The following TMEM132D variants were observed in gnomAD, a reference collection of about 807,000 sequenced individuals.
TMEM132D encodes mature OL transmembrane protein.
A neutral mutation model predicts 62.3 loss-of-function variants in TMEM132D; 21 were observed. That is an observed-to-expected ratio of 0.34 (90% CI 0.24 to 0.49). The LOEUF (loss-of-function observed/expected upper bound fraction) is 0.49, where lower values mean the gene tolerates loss of function less well. Ranked by LOEUF, TMEM132D falls within the 20% of genes least tolerant of loss-of-function variation. The pLI, the probability that TMEM132D is intolerant of heterozygous loss-of-function variation, is 0.99. For missense variants in TMEM132D, 1,346 were observed against 1,402.8 expected (o/e 0.96, Z 0.65); for synonymous variants, 621 against 575.6 (o/e 1.08, Z -1.13).
chr12:129,293,506 G>A (rs1881498295), intron 4 of TMEM132D, among the ~76,000 whole-genome samples: 1 of 152,042 alleles, frequency 6.6e-6, no homozygotes, highest in Admixed American at 6.6e-5. Context: ...TACTTTTATT[G>A]TGCACTTGAT....
Position 129,184,136 on chromosome 12 carries a change from CCT to C in TMEM132D, c.1443+25382_1443+25383del, listed in dbSNP as rs369868808. Among the ~76,000 whole-genome samples, 27 of 152,282 alleles carry C rather than the reference CCT, an allele frequency of 1.8e-4. No homozygotes were observed. In the East Asian group the frequency reaches 2.3e-3, roughly 13 times the overall value. On this transcript the variant is annotated intron_variant, in intron 5 of 8. Transcript: ENST00000422113. Reference sequence around the variant, plus strand: ...CACCCACTCATGTCACCGTCTCACCCCTGTCACCACCAAGTCTGCAGTTTCCG... The same window carrying C: ...CACCCACTCATGTCACCGTCTCACCCGTCACCACCAAGTCTGCAGTTTCCG...
chr12:129,076,616 A>G (rs1874265448), intron 8 of TMEM132D, among the ~76,000 whole-genome samples: 2 of 152,230 alleles, frequency 1.3e-5, no homozygotes, highest in African/African-American at 4.8e-5. Flanking sequence ...GGCACAGTGC[A>G]AAAGCTACTG....
chr12:129,839,117 A>AGTTTTTTTTTT (rs1873097765), intron 1 of TMEM132D, among the ~76,000 whole-genome samples: 1 of 20,704 alleles, frequency 4.8e-5, no homozygotes, highest in Non-Finnish European at 8.4e-5. Flanking sequence ...CGCCTGGCTA[A>AGTTTTTTTTTT]TTTTTTTTTT....
intron 1 of TMEM132D, among the ~76,000 whole-genome samples, chr12:129,882,332 A>C (rs1422026377): frequency 6.6e-6 from 1 of 152,150 alleles, no homozygotes; most frequent in Non-Finnish European, 1.5e-5. Context: ...AACTACAGCA[A>C]ATTTCTTTCA....
At chr12:129,588,532 G>A (rs1446856159) in intron 2 of TMEM132D, among the ~76,000 whole-genome samples, 3 of 152,104 alleles carry the variant, frequency 2.0e-5, no homozygotes, top group African/African-American at 7.2e-5. Flanking sequence ...GAAGGTGGAT[G>A]AAAGGTGAAT....
chr12:129,528,624 T>C (rs1253881352), intron 3 of TMEM132D, among the ~76,000 whole-genome samples: 3 of 152,244 alleles, frequency 2.0e-5, no homozygotes, highest in Admixed American at 6.5e-5. Flanking sequence ...TGCAGCATTA[T>C]ACATGCAGCT....
chr12:129,157,588 CA>C (rs1877284421), intron 5 of TMEM132D, among the ~76,000 whole-genome samples: 1 of 152,224 alleles, frequency 6.6e-6, no homozygotes, highest in Non-Finnish European at 1.5e-5. Flanking sequence ...ATGGAAGCAA[CA>C]GACACTGCAA....
chr12:129,338,439 T>A (rs1566037853), intron 3 of TMEM132D, among the ~76,000 whole-genome samples: 1 of 152,212 alleles, frequency 6.6e-6, no homozygotes, highest in Non-Finnish European at 1.5e-5. Flanking sequence ...AATTTTCCTA[T>A]AAGCATACAT....
chr12:129,787,730 C>T (rs1457205456), intron 1 of TMEM132D, among the ~76,000 whole-genome samples: 2 of 152,104 alleles, frequency 1.3e-5, no homozygotes, highest in East Asian at 1.9e-4. Flanking sequence ...CAGAGCTGAA[C>T]GAAGTAGAGG....
intron 2 of TMEM132D, among the ~76,000 whole-genome samples, chr12:129,558,512 C>G (rs780347269): frequency 5.3e-5 from 8 of 152,154 alleles, no homozygotes; most frequent in Non-Finnish European, 8.8e-5. Flanking sequence ...CGAGCGTGGG[C>G]TCCTAAGCTG....
rs781288914 is a variant in TMEM132D at position 129,081,922 on chromosome 12, G to A, written c.1760C>T (p.Ala587Val). 5.0e-6 allele frequency: 8 copies of A among 1,613,900 alleles called. No individual in the cohort carries two copies. The highest frequency in any genetic ancestry group is 1.3e-5 in the African/African-American group (1 of 74,926). ...GGCCAGGTGTCCCCCAGGGCCGGCC[G>A]CCTCAGCCACAAACTGCGTCAGGAC... ...VRVLTQFVAE[A>V]AGPGGHLAHL... Residue 587 changes from alanine (A) to valine (V), a missense_variant, in exon 7 of 9, where the codon GCG (alanine) becomes GTG (valine). Transcript: ENST00000422113.
chr12:129,705,092 A>G (rs935005760), intron 1 of TMEM132D, among the ~76,000 whole-genome samples: 1 of 152,238 alleles, frequency 6.6e-6, no homozygotes, highest in African/African-American at 2.4e-5. Flanking sequence ...CCCTACAGCT[A>G]AATAGAAAAG....
intron 2 of TMEM132D, among the ~76,000 whole-genome samples, chr12:129,611,991 C>A (rs542377903): frequency 6.6e-6 from 1 of 152,160 alleles, no homozygotes; most frequent in Non-Finnish European, 1.5e-5. Context: ...GGGCCGTGGC[C>A]GGTCGCAGTA....
intron 2 of TMEM132D, among the ~76,000 whole-genome samples, chr12:129,650,639 T>G (rs1879904571): frequency 6.6e-6 from 1 of 152,194 alleles, no homozygotes; most frequent in Non-Finnish European, 1.5e-5. Context: ...GCTTTTTAAC[T>G]TTTGTCAATC....
chr12:129,195,919 G>A (rs1384317440), intron 5 of TMEM132D, among the ~76,000 whole-genome samples: 1 of 152,158 alleles, frequency 6.6e-6, no homozygotes, highest in Admixed American at 6.5e-5. Flanking sequence ...TTGAGGTCAG[G>A]AATTTGAGAC....
intron 4 of TMEM132D, among the ~76,000 whole-genome samples, chr12:129,221,364 G>A (rs1055043390): frequency 4.6e-5 from 7 of 152,160 alleles, no homozygotes; most frequent in Admixed American, 6.5e-5. Context: ...AAGGCAATGT[G>A]ATTTGGGAGC....
At chr12:129,508,591 T>C (rs566843645) in intron 3 of TMEM132D, among the ~76,000 whole-genome samples, 6 of 152,236 alleles carry the variant, frequency 3.9e-5, no homozygotes, top group African/African-American at 1.4e-4. Context: ...GAAAATTTCT[T>C]CGTTTCTTGT....
intron 1 of TMEM132D, among the ~76,000 whole-genome samples, chr12:129,799,651 T>C (rs1871698698): frequency 6.6e-6 from 1 of 152,104 alleles, no homozygotes; most frequent in African/African-American, 2.4e-5. Context: ...ACTTGCGCAC[T>C]TCACTTATTC....
chr12:129,117,560 A>G (rs1297803971), intron 5 of TMEM132D, among the ~76,000 whole-genome samples: 1 of 97,202 alleles, frequency 1.0e-5, no homozygotes, highest in East Asian at 2.7e-4. Flanking sequence ...TAAGGAAAGC[A>G]TTATTATCAT....
Sources: allele counts gnomAD v4.1 joint callset (sites outside exome capture counted in the v4.1 genomes callset), GRCh38; gene constraint gnomAD v4.1.1; transcripts MANE v1.5; gene names NCBI Gene and HGNC (gene_info 2026-07-23, HGNC 2026-07-21).